IL1R1: variants seen among roughly 807,000 people sequenced by gnomAD.
IL1R1 encodes interleukin 1 receptor type 1, also known as interleukin-1 receptor type 1.
A neutral mutation model predicts 50.2 loss-of-function variants in IL1R1; 22 were observed. That is an observed-to-expected ratio of 0.44 (90% CI 0.31 to 0.63). The LOEUF is 0.63. Among genes scored for constraint, IL1R1 ranks in the 20% least tolerant of loss-of-function variants. The pLI, the probability that IL1R1 is intolerant of heterozygous loss-of-function variation, is 0.07. For missense variants in IL1R1, 509 were observed against 676.2 expected, an observed-to-expected ratio of 0.75 and a Z score of 2.74; for synonymous variants, 251 against 236.7, an observed-to-expected ratio of 1.06 and a Z score of -0.55.
intron 3 of IL1R1, among the ~76,000 whole-genome samples, chr2:102,158,235 C>A (rs1391372868): frequency 6.6e-6 from 1 of 152,108 alleles, no homozygotes; most frequent in African/African-American, 2.4e-5. Flanking sequence ...CTAATCTTTT[C>A]TCTTTTTGCC....
chr2:102,094,927 T>A (rs1256370495), intron 1 of IL1R1, among the ~76,000 whole-genome samples: 1 of 152,124 alleles, frequency 6.6e-6, no homozygotes, highest in Non-Finnish European at 1.5e-5. Context: ...AGCAGATCAG[T>A]CATGGCCTGG....
At chr2:102,071,676 G>T (rs1271971810) in intron 1 of IL1R1, among the ~76,000 whole-genome samples, 1 of 152,226 alleles carries the variant, frequency 6.6e-6, no homozygotes, top group Non-Finnish European at 1.5e-5. Flanking sequence ...CCTCCTCTGT[G>T]TGTTGGTTTT....
chr2:102,091,552 T>C (rs1479564434), intron 1 of IL1R1, among the ~76,000 whole-genome samples: 1 of 152,236 alleles, frequency 6.6e-6, no homozygotes, highest in Non-Finnish European at 1.5e-5. Context: ...GTTGCATTCA[T>C]AGAATGTGTA....
upstream of IL1R1, among the ~76,000 whole-genome samples, chr2:102,138,509 C>T (rs575178905): frequency 5.3e-5 from 8 of 152,256 alleles, no homozygotes; most frequent in Non-Finnish European, 1.2e-4. Context: ...TTCCTGTTCA[C>T]ATGTGGCTTT....
rs1686305418 is a variant in IL1R1, at chr2:102,178,272, G to A, written c.*1513G>A. Reference sequence around the variant, plus strand: ...TGCAGAGATGGTGGTGAGCACATCTGGGAGGCTGGTCTCCCTCCAGCTGGA... The same window carrying A: ...TGCAGAGATGGTGGTGAGCACATCTAGGAGGCTGGTCTCCCTCCAGCTGGA... On this transcript the variant is annotated 3_prime_UTR_variant, in exon 12 of 12. Transcript: ENST00000410023. 1 of 152,342 alleles carries A rather than the reference G, an allele frequency of 6.6e-6. No homozygotes were observed. Among genetic ancestry groups the A allele is most frequent in the South Asian group, 2.1e-4 (1 of 4,830 alleles). The allele number at this position is 152,342 out of a possible 1,614,324, so 9.4% of individuals were successfully genotyped here.
intron 1 of IL1R1, among the ~76,000 whole-genome samples, chr2:102,073,318 G>T (rs1056060808): frequency 6.6e-6 from 1 of 152,136 alleles, no homozygotes; most frequent in African/African-American, 2.4e-5. Flanking sequence ...TGGATAATAG[G>T]TGAACAAATA....
intron 1 of IL1R1, among the ~76,000 whole-genome samples, chr2:102,096,011 GA>G (rs1017926267): frequency 1.3e-5 from 2 of 152,066 alleles, no homozygotes; most frequent in African/African-American, 4.8e-5. Flanking sequence ...CAAAAAAAAA[GA>G]AAAAATTTTA....
At chr2:102,110,820 A>C (rs952667215) in intron 1 of IL1R1, among the ~76,000 whole-genome samples, 3 of 152,128 alleles carry the variant, frequency 2.0e-5, no homozygotes, top group African/African-American at 7.2e-5. Context: ...GGGTTGCATG[A>C]AACAGCTAGG....
At chr2:102,130,869 T>C (rs1176980563) in intron 1 of IL1R1, among the ~76,000 whole-genome samples, 1 of 152,112 alleles carries the variant, frequency 6.6e-6, no homozygotes, top group African/African-American at 2.4e-5. Context: ...CTACAAAATA[T>C]GCAAAACCAG....
intron 1 of IL1R1, among the ~76,000 whole-genome samples, chr2:102,146,793 A>G (rs968417536): frequency 1.3e-5 from 2 of 152,230 alleles, no homozygotes; most frequent in African/African-American, 2.4e-5. Flanking sequence ...CATGCAGGAC[A>G]AGTCTTTTCT....
intron 1 of IL1R1, among the ~76,000 whole-genome samples, chr2:102,128,780 G>A (rs569923013): frequency 2.5e-4 from 38 of 152,312 alleles, no homozygotes; most frequent in African/African-American, 8.2e-4. Context: ...AACAGTAAAA[G>A]GCAGCAATGT....
intron 3 of IL1R1, among the ~76,000 whole-genome samples, chr2:102,159,191 G>A (rs1375503020): frequency 6.6e-6 from 1 of 152,172 alleles, no homozygotes; most frequent in Non-Finnish European, 1.5e-5. Flanking sequence ...GGAAAGGTCT[G>A]GGTTGAATAT....
At chr2:102,151,702 T>G (rs1683670330) in intron 1 of IL1R1, among the ~76,000 whole-genome samples, 1 of 152,242 alleles carries the variant, frequency 6.6e-6, no homozygotes, top group African/African-American at 2.4e-5. Flanking sequence ...TCACTCGTCA[T>G]GCCTGGCTTT....
Position 102,088,037 on chromosome 2 carries a change from AGTT to A in IL1R1, c.-84+17505_-84+17507del, listed in dbSNP as rs58699312. Among the ~76,000 whole-genome samples, 1,168 of 152,330 alleles carry A rather than the reference AGTT, an allele frequency of 7.7e-3. 12 individuals carry two copies. The highest frequency in any genetic ancestry group is 0.027 in the African/African-American group (1,119 of 41,566). The stretch of plus-strand genomic sequence containing the variant: ...CTCTTGCTATTTTCACCACATCTGC[AGTT>A]ACTTCCTCTACTGAAGTCTTGAACC... On this transcript the variant is annotated intron_variant, in intron 1 of 11. Transcript: ENST00000409929.
chr2:102,154,594 G>A lies in IL1R1; in HGVS notation c.-7+577G>A, dbSNP rs190926289. Among the ~76,000 whole-genome samples the A allele has an allele frequency of 5.9e-5, 9 of 151,862 alleles. No individual in the cohort carries two copies. In the South Asian group the frequency reaches 8.3e-4, roughly 14 times the overall value. On this transcript the variant is annotated intron_variant, in intron 2 of 11. Transcript: ENST00000410023. ...CCCAAGTGTTCTCAAATATGCCCCC[G>A]CCTGCCTGTCTGTCACTGCAGCTGG...
chr2:102,164,781 C>G lies in IL1R1; in HGVS notation c.69C>G (p.Cys23Trp). 1 of 1,610,050 alleles carries G rather than the reference C, an allele frequency of 6.2e-7. No individual in the cohort carries two copies. The highest frequency in any genetic ancestry group is 8.5e-7 in the Non-Finnish European group (1 of 1,177,004). The change falls in exon 4 of 12, where the codon TGC becomes TGG. Residue 23 changes from cysteine to tryptophan, a missense_variant. Cys to Trp is a radical substitution (Grantham distance 215). Transcript: ENST00000410023. ...CCCTTCTTCCTTTTAAAGATAAATG[C>G]AAGGAACGTGAAGAAAAAATAATTT... ...LLISSLEADKCKEREEKIILV... is the reference protein window; with the variant it reads ...LLISSLEADKWKEREEKIILV...
intron 1 of IL1R1, among the ~76,000 whole-genome samples, chr2:102,123,868 C>T (rs1469971286): frequency 2.6e-5 from 4 of 152,036 alleles, no homozygotes; most frequent in Admixed American, 1.3e-4. Context: ...TACAGTGCCT[C>T]ATATGGGTCT....
intron 1 of IL1R1, among the ~76,000 whole-genome samples, chr2:102,074,560 C>G (rs998902744): frequency 1.3e-5 from 2 of 152,208 alleles, no homozygotes; most frequent in Non-Finnish European, 2.9e-5. Flanking sequence ...CCTAACATCC[C>G]TTCCTCTGCC....
intron 1 of IL1R1, among the ~76,000 whole-genome samples, chr2:102,076,499 G>A (rs1312465427): frequency 6.6e-6 from 1 of 152,130 alleles, no homozygotes; most frequent in East Asian, 1.9e-4. Flanking sequence ...GTGCAGGTCT[G>A]CTGGTAACAA....
Sources: allele counts gnomAD v4.1 joint callset (sites outside exome capture counted in the v4.1 genomes callset), GRCh38; gene constraint gnomAD v4.1.1; transcripts MANE v1.5; gene names NCBI Gene and HGNC (gene_info 2026-07-23, HGNC 2026-07-21).